GRXCR1: variants seen among roughly 807,000 people sequenced by gnomAD.
The protein encoded by GRXCR1 is glutaredoxin and cysteine rich domain containing 1, also known as glutaredoxin domain-containing cysteine-rich protein 1.
GRXCR1 carries 27 observed loss-of-function variants against 27.3 expected under a neutral mutation model. The ratio of observed to expected loss-of-function variants is 0.99; its 90% CI spans 0.73 to 1.37. GRXCR1 has a LOEUF of 1.37. Among genes scored for constraint, GRXCR1 ranks in the 40% most tolerant of loss-of-function variants. The pLI, the probability that GRXCR1 is intolerant of heterozygous loss-of-function variation, is 0.00. For synonymous variants in GRXCR1, 122 were observed against 131.1 expected, an observed-to-expected ratio of 0.93 and a Z score of 0.47; for missense variants, 379 against 354.4, an observed-to-expected ratio of 1.07 and a Z score of -0.56.
intron 2 of GRXCR1, among the ~76,000 whole-genome samples, chr4:43,018,447 C>T (rs7678805): frequency 0.03 from 4,589 of 152,254 alleles, 74 homozygotes; most frequent in African/African-American, 0.036. Context: ...GTAAGCAAAG[C>T]CTGCATTTCT....
At chr4:43,024,290 A>G (rs1713186412) in intron 3 of GRXCR1, among the ~76,000 whole-genome samples, 1 of 148,296 alleles carries the variant, frequency 6.7e-6, no homozygotes, top group Admixed American at 6.9e-5. Flanking sequence ...TGAAGAACCG[A>G]GCAAAGATTC....
At chr4:42,995,620 C>A (rs1047342869) in intron 2 of GRXCR1, among the ~76,000 whole-genome samples, 1 of 152,076 alleles carries the variant, frequency 6.6e-6, no homozygotes, top group South Asian at 2.1e-4. Context: ...AAAAGCCACA[C>A]GTGGTGCAAA....
At chr4:42,902,706 G>A (rs1314058625) in intron 1 of GRXCR1, among the ~76,000 whole-genome samples, 1 of 152,152 alleles carries the variant, frequency 6.6e-6, no homozygotes, top group Non-Finnish European at 1.5e-5. Flanking sequence ...GGGAGGGAGA[G>A]CTTCAGGAAG....
chr4:42,970,259 T>C (rs935191623), intron 2 of GRXCR1, among the ~76,000 whole-genome samples: 1 of 152,130 alleles, frequency 6.6e-6, no homozygotes, highest in Non-Finnish European at 1.5e-5. Context: ...AGTGGATCTA[T>C]CATTCTGGGG....
chr4:42,942,443 G>C (rs985910046), intron 1 of GRXCR1, among the ~76,000 whole-genome samples: 3 of 152,032 alleles, frequency 2.0e-5, no homozygotes, highest in African/African-American at 7.2e-5. Flanking sequence ...GTGAAAATGA[G>C]AAAAAGAAAG....
chr4:43,020,530 C>A lies in GRXCR1; in HGVS notation c.693+111C>A, dbSNP rs994854397. The A allele has an allele frequency of 3.0e-5, 22 of 743,630 alleles. 1 individual carries two copies. The South Asian group carries it at 3.2e-4, about 11-fold the overall frequency. The allele number at this position is 743,630 out of a possible 1,614,324, so 46.1% of individuals were successfully genotyped here. ...CTCTCCCCATGTTCTTACAAATATG[C>A]AATAGGATACATGTGGCAGTTTTAA... is the stretch of plus-strand genomic sequence containing the variant. On this transcript the variant is annotated intron_variant, in intron 3 of 3. Coordinates refer to ENST00000399770, the MANE Select transcript of GRXCR1 (RefSeq NM_001080476.3).
At chr4:43,009,830 T>G (rs6841773) in intron 2 of GRXCR1, among the ~76,000 whole-genome samples, 47,372 of 152,020 alleles carry the variant, frequency 0.31, 7,446 homozygotes, top group African/African-American at 0.34. Context: ...TAGACATTCA[T>G]TCTACAGCAA....
intron 2 of GRXCR1, among the ~76,000 whole-genome samples, chr4:42,964,976 T>A (rs1748205094): frequency 6.6e-6 from 1 of 152,052 alleles, no homozygotes; most frequent in Non-Finnish European, 1.5e-5. Context: ...CATTGTGGAA[T>A]TTCAACTCCT....
chr4:43,025,247 T>A (rs1047516645), intron 3 of GRXCR1, among the ~76,000 whole-genome samples: 2 of 152,234 alleles, frequency 1.3e-5, no homozygotes, highest in African/African-American at 4.8e-5. Flanking sequence ...TGTGCTTTAG[T>A]TGAGATGACT....
At chr4:42,946,030 A>C (rs2109765826) in intron 1 of GRXCR1, among the ~76,000 whole-genome samples, 1 of 152,288 alleles carries the variant, frequency 6.6e-6, no homozygotes, top group Middle Eastern at 3.4e-3. Context: ...CATGTTGCTC[A>C]GGGTAAGCAG....
At chr4:42,913,761 A>G (rs967619655) in intron 1 of GRXCR1, among the ~76,000 whole-genome samples, 2 of 152,096 alleles carry the variant, frequency 1.3e-5, no homozygotes, top group Non-Finnish European at 2.9e-5. Flanking sequence ...AGGTGCAGAA[A>G]CCTAGGAGGG....
intron 2 of GRXCR1, among the ~76,000 whole-genome samples, chr4:42,990,818 G>C (rs1711948588): frequency 6.6e-6 from 1 of 151,896 alleles, no homozygotes; most frequent in African/African-American, 2.4e-5. Context: ...AGAATATGTA[G>C]TCTCCTTTTT....
Position 42,963,080 on chromosome 4 carries a change from A to G in GRXCR1, c.573A>G (p.Arg191=), listed in dbSNP as rs759498185. 1 of 1,612,718 alleles carries G rather than the reference A, an allele frequency of 6.2e-7. No individual in the cohort carries two copies. The highest frequency in any genetic ancestry group is 8.5e-7 in the Non-Finnish European group (1 of 1,179,058). The change falls in exon 2 of 4, where the codon CGA becomes CGG. Residue 191 remains arginine (R), a synonymous_variant. Transcript: ENST00000399770. ...YGKELDERCR[R]VSEAPSLPVV... ...AAGAGTTAGACGAACGATGCCGACG[A>G]GTTTCTGAAGCTCCTTCCCTCCCTG...
intron 2 of GRXCR1, among the ~76,000 whole-genome samples, chr4:42,995,083 C>T (rs995586128): frequency 1.3e-5 from 2 of 151,668 alleles, no homozygotes; most frequent in East Asian, 1.9e-4. Flanking sequence ...TTCATTTTTT[C>T]CTTAGTCTAT....
intron 1 of GRXCR1, 69 bp from the exon 2 acceptor site, chr4:42,962,823 T>C (rs1416586277): frequency 6.4e-7 from 1 of 1,571,310 alleles, no homozygotes; most frequent in African/African-American, 1.4e-5. Flanking sequence ...CAATTTTTAA[T>C]TGTCTTAAAA....
At chr4:42,936,289 A>G (rs1403520668) in intron 1 of GRXCR1, among the ~76,000 whole-genome samples, 1 of 151,936 alleles carries the variant, frequency 6.6e-6, no homozygotes, top group Admixed American at 6.6e-5. Context: ...AGTGTTTAAG[A>G]AGAAAACAAC....
At chr4:42,958,150 C>T (rs1187302138) in intron 1 of GRXCR1, among the ~76,000 whole-genome samples, 1 of 151,924 alleles carries the variant, frequency 6.6e-6, no homozygotes, top group African/African-American at 2.4e-5. Flanking sequence ...GAGGGCATAC[C>T]AATGCCAGGA....
chr4:43,005,552 C>A (rs983273518), intron 2 of GRXCR1, among the ~76,000 whole-genome samples: 20 of 152,136 alleles, frequency 1.3e-4, no homozygotes, highest in Non-Finnish European at 2.6e-4. Context: ...CTTTATGTTG[C>A]TCAAGAACAA....
chr4:42,934,517 A>C (rs982187505), intron 1 of GRXCR1, among the ~76,000 whole-genome samples: 1 of 151,866 alleles, frequency 6.6e-6, no homozygotes, highest in African/African-American at 2.4e-5. Flanking sequence ...AGAACTTCCT[A>C]TAGAAAGGAT....
Sources: gnomAD v4.1 joint callset for allele counts (sites outside exome capture counted in the v4.1 genomes callset) on GRCh38, gnomAD v4.1.1 for gene constraint, MANE v1.5 for transcripts, NCBI Gene and HGNC (gene_info 2026-07-23, HGNC 2026-07-21) for gene names.